BMPR2: variants seen among roughly 807,000 people sequenced by gnomAD.
BMPR2 encodes bone morphogenetic protein receptor type 2.
BMPR2 carries 29 observed loss-of-function variants against 100.8 expected under a neutral mutation model. The observed-to-expected ratio is 0.29, with a 90% confidence interval of 0.21 to 0.39. BMPR2 has a LOEUF of 0.39. Ranked by LOEUF, BMPR2 falls within the 10% of genes least tolerant of loss-of-function variation. The probability of loss-of-function intolerance (pLI) is 1.00; values close to 1 mark genes in which losing one functional copy is unlikely to be tolerated. For synonymous variants in BMPR2, 382 were observed against 442.3 expected, an observed-to-expected ratio of 0.86 and a Z score of 1.71; for missense variants, 1,011 against 1,274.5, an observed-to-expected ratio of 0.79 and a Z score of 3.15.
chr2:202,535,222 G>A (rs2106023580), intron 9 of BMPR2, among the ~76,000 whole-genome samples: 1 of 151,898 alleles, frequency 6.6e-6, no homozygotes, highest in Admixed American at 6.5e-5. Flanking sequence ...GTGGCTGCCG[G>A]GCGGAGACAC....
chr2:202,423,204 A>G (rs1691305774), intron 1 of BMPR2, among the ~76,000 whole-genome samples: 1 of 152,154 alleles, frequency 6.6e-6, no homozygotes, highest in South Asian at 2.1e-4. Context: ...GTGAAATACT[A>G]AAAAATAACA....
intron 3 of BMPR2, 50 bp downstream of exon 3, chr2:202,467,739 G>T (rs1439573139): frequency 6.5e-7 from 1 of 1,550,216 alleles, no homozygotes; most frequent in Non-Finnish European, 8.9e-7. Flanking sequence ...CCAAAGATTT[G>T]CAAAATATAA....
At chr2:202,534,656 ACTT>A (rs1404175464) in intron 9 of BMPR2, among the ~76,000 whole-genome samples, 3 of 152,280 alleles carry the variant, frequency 2.0e-5, no homozygotes, top group East Asian at 3.9e-4. Flanking sequence ...TCCCATGTCT[ACTT>A]CTTTCTACAC....
intron 1 of BMPR2, among the ~76,000 whole-genome samples, chr2:202,400,714 C>T (rs772117129): frequency 1.3e-5 from 2 of 152,116 alleles, no homozygotes; most frequent in Non-Finnish European, 2.9e-5. Context: ...TACTTAGGCT[C>T]AGGTCTCAAT....
At position 202,376,893 on chromosome 2, in the gene BMPR2, C is replaced by T; in HGVS notation, c.-582C>T. On this transcript the variant is annotated 5_prime_UTR_variant, in exon 1 of 13. Transcript: ENST00000374580. Reference sequence around the variant, plus strand: ...CATGGAGGCAGGCACCTTTTTTGATCCAGTCAAGGAAGAGGATTTGTTGTT... The same window carrying T: ...CATGGAGGCAGGCACCTTTTTTGATTCAGTCAAGGAAGAGGATTTGTTGTT... The T allele has an allele frequency of 2.4e-6, 1 of 411,278 alleles. No homozygotes were observed. The highest frequency in any genetic ancestry group is 4.3e-6 in the Non-Finnish European group (1 of 234,298). 25.5% of individuals were successfully genotyped at this position (411,278 alleles called of 1,614,324 possible).
intron 3 of BMPR2, among the ~76,000 whole-genome samples, chr2:202,487,077 C>G (rs1422020809): frequency 1.6e-4 from 25 of 152,128 alleles, no homozygotes; most frequent in Admixed American, 1.6e-3. Context: ...AAAAAAATGC[C>G]TGCCTAATAG....
intron 6 of BMPR2, 34 bp from the exon 7 acceptor site, chr2:202,520,053 C>CTTTTT: frequency 1.7e-6 from 2 of 1,159,182 alleles, no homozygotes; most frequent in Non-Finnish European, 2.5e-6. Flanking sequence ...TTAATTCTAC[C>CTTTTT]TTTTTTTTTT....
chr2:202,514,801 C>T lies in BMPR2; in HGVS notation c.530-87C>T, dbSNP rs1687683609. 16 of 1,096,634 alleles carry T rather than the reference C, an allele frequency of 1.5e-5. 1 individual carries two copies. In the South Asian group the frequency reaches 2.0e-4, roughly 14 times the overall value. 67.9% of individuals were successfully genotyped at this position (1,096,634 alleles called of 1,614,324 possible). A position where few individuals can be genotyped will look rare whatever the true frequency, so the allele number is the denominator to read the frequency against. ...TGCTGCTAATCTTTCTGCAGCTCTTCTTTTTAAGTGTAATATTATAAAAAG... is the reference window on the plus strand; with the variant it reads ...TGCTGCTAATCTTTCTGCAGCTCTTTTTTTTAAGTGTAATATTATAAAAAG... On this transcript the variant is annotated intron_variant, in intron 4 of 12. Transcript: ENST00000374580.
At position 202,461,530 on chromosome 2, in the gene BMPR2, T is replaced by TA. The variant is rs1692225094; in HGVS notation, c.77-3275dup. On this transcript the variant is annotated intron_variant, in intron 1 of 12. Transcript: ENST00000374580. The stretch of plus-strand genomic sequence containing the variant: ...GATACATGCTAGTATGTTTGTTGAA[T>TA]AAAAGAACATCAATAAGCATGTGTA... Among the ~76,000 whole-genome samples, 8 of 152,298 alleles carry TA rather than the reference T, an allele frequency of 5.3e-5. No homozygotes were observed. The South Asian group carries it at 1.7e-3, about 32-fold the overall frequency.
intron 1 of BMPR2, among the ~76,000 whole-genome samples, chr2:202,383,816 A>C (rs1574419063): frequency 6.6e-6 from 1 of 151,674 alleles, no homozygotes; most frequent in African/African-American, 2.4e-5. Context: ...GTACCACTGC[A>C]CTCCAGCCTG....
chr2:202,555,836 C>T lies in BMPR2; in HGVS notation c.2171C>T (p.Thr724Ile). The T allele has an allele frequency of 1.2e-6, 2 of 1,614,166 alleles. No individual in the cohort carries two copies. The highest frequency in any genetic ancestry group is 1.1e-5 in the South Asian group (1 of 91,080). ...AVEATGQQDFTQTANGQACLI... is the reference protein window; with the variant it reads ...AVEATGQQDFIQTANGQACLI... ...GAAGCAACTGGACAGCAGGACTTCACACAGACTGCAAATGGCCAAGCATGT... is the reference window on the plus strand; with the variant it reads ...GAAGCAACTGGACAGCAGGACTTCATACAGACTGCAAATGGCCAAGCATGT... The change falls in exon 12 of 13, where the codon ACA becomes ATA. Residue 724 changes from threonine to isoleucine, a missense_variant. Thr to Ile is a moderately conservative substitution (Grantham distance 89). Around this residue, in one of 6 missense-constraint regions of BMPR2, gnomAD observed 508 missense variants for 552.0 expected, o/e 0.92. Coordinates refer to ENST00000374580, the MANE Select transcript of BMPR2 (RefSeq NM_001204.7).
At chr2:202,526,099 C>T (rs1373543042) in intron 7 of BMPR2, among the ~76,000 whole-genome samples, 1 of 152,072 alleles carries the variant, frequency 6.6e-6, no homozygotes, top group East Asian at 1.9e-4. Flanking sequence ...CTCCTGACCT[C>T]AGGTGATCTG....
At chr2:202,429,472 C>T (rs1156615140) in intron 1 of BMPR2, among the ~76,000 whole-genome samples, 2 of 152,176 alleles carry the variant, frequency 1.3e-5, no homozygotes, top group Non-Finnish European at 2.9e-5. Flanking sequence ...GAATTTCCTT[C>T]TCTCCTGGTC....
At chr2:202,408,480 A>G (rs1690948142) in intron 1 of BMPR2, among the ~76,000 whole-genome samples, 4 of 152,230 alleles carry the variant, frequency 2.6e-5, no homozygotes, top group Admixed American at 1.3e-4. Context: ...ACAATGGTGT[A>G]TAAAATCTAG....
chr2:202,389,302 C>T (rs893268941), intron 1 of BMPR2, among the ~76,000 whole-genome samples: 5 of 151,752 alleles, frequency 3.3e-5, no homozygotes, highest in Non-Finnish European at 5.9e-5. Context: ...CCAGGGCGGG[C>T]AGATCATGAG....
intron 3 of BMPR2, among the ~76,000 whole-genome samples, chr2:202,508,386 C>T (rs1687565923): frequency 6.6e-6 from 1 of 152,180 alleles, no homozygotes; most frequent in Non-Finnish European, 1.5e-5. Flanking sequence ...CCACTGCACC[C>T]AGCTGAGTCT....
rs530810380 is a variant in BMPR2 at position 202,393,993 on chromosome 2, G to A, written c.76+16443G>A. On this transcript the variant is annotated intron_variant, in intron 1 of 12. Coordinates refer to ENST00000374580, the MANE Select transcript of BMPR2 (RefSeq NM_001204.7). The stretch of plus-strand genomic sequence containing the variant: ...TAATTATCTTGAGAACTGTGTTGGA[G>A]GAGCAGTGAATTTCTGTTGCTAATG... Among the ~76,000 whole-genome samples, 32 of 151,332 alleles carry A rather than the reference G, an allele frequency of 2.1e-4. 1 individual carries two copies. The highest frequency in any genetic ancestry group is 7.7e-4 in the African/African-American group (32 of 41,314).
chr2:202,400,863 T>C (rs1156861528), intron 1 of BMPR2, among the ~76,000 whole-genome samples: 1 of 152,212 alleles, frequency 6.6e-6, no homozygotes, highest in Non-Finnish European at 1.5e-5. Context: ...AATTTAAGCC[T>C]TTTCTTATTT....
intron 3 of BMPR2, among the ~76,000 whole-genome samples, 187 bp from the exon 4 acceptor site, chr2:202,513,532 G>A (rs1282180244): frequency 6.6e-6 from 1 of 152,094 alleles, no homozygotes; most frequent in Non-Finnish European, 1.5e-5. Flanking sequence ...AGAATAGTCT[G>A]TATGATTAAA....
Sources: allele counts gnomAD v4.1 joint callset (sites outside exome capture counted in the v4.1 genomes callset), GRCh38; gene constraint gnomAD v4.1.1; regional missense constraint gnomAD v4.1.1; transcripts MANE v1.5; gene names NCBI Gene and HGNC (gene_info 2026-07-23, HGNC 2026-07-21).